Variants in PDSS2 observed in about 807,000 individuals in gnomAD.
The protein encoded by PDSS2 is decaprenyl diphosphate synthase subunit 2.
In PDSS2, 31 loss-of-function variants were observed where a neutral mutation model predicts 44.5. The ratio of observed to expected loss-of-function variants is 0.70; its 90% CI spans 0.52 to 0.94. PDSS2 has a LOEUF of 0.94. PDSS2 is among the 40% of genes least tolerant of loss of function. The probability of loss-of-function intolerance (pLI) is 0.00; values close to 1 mark genes in which losing one functional copy is unlikely to be tolerated. For synonymous variants in PDSS2, 157 were observed against 180.3 expected, an observed-to-expected ratio of 0.87 and a Z score of 1.03; for missense variants, 452 against 482.2, an observed-to-expected ratio of 0.94 and a Z score of 0.59.
chr6:107,422,761 T>C (rs1780866107), intron 1 of PDSS2, among the ~76,000 whole-genome samples: 5 of 152,070 alleles, frequency 3.3e-5, no homozygotes, highest in Admixed American at 6.6e-5. Context: ...ATATTAACAC[T>C]AGGTATCTCT....
chr6:107,166,947 T>A (rs1771373372), intron 7 of PDSS2, among the ~76,000 whole-genome samples: 1 of 152,130 alleles, frequency 6.6e-6, no homozygotes, highest in South Asian at 2.1e-4. Flanking sequence ...TCTTTTTTTG[T>A]TGTCTCTCTA....
Position 107,261,907 on chromosome 6 carries a change from CTT to C in PDSS2, c.630+12120_630+12121del, listed in dbSNP as rs58274022. 7.2e-3 allele frequency among the ~76,000 whole-genome samples: 848 copies of C among 116,984 alleles called. 8 individuals carry two copies. The highest frequency in any genetic ancestry group is 0.025 in the African/African-American group (717 of 28,204). 76.7% of individuals were successfully genotyped at this position (116,984 alleles called of 152,430 possible). A position where few individuals can be genotyped will look rare whatever the true frequency, so the allele number is the denominator to read the frequency against. On this transcript the variant is annotated intron_variant, in intron 3 of 7. Coordinates refer to ENST00000369037, the MANE Select transcript of PDSS2 (RefSeq NM_020381.4). ...CTCAGGTATTTCTTTTCTTTCTTTT[CTT>C]TTTTTTTTTTTTTTTTTGAGATGGA...
intron 1 of PDSS2, among the ~76,000 whole-genome samples, chr6:107,396,197 TC>T (rs2114557948): frequency 6.6e-6 from 1 of 152,314 alleles, no homozygotes; most frequent in African/African-American, 2.4e-5. Context: ...TCAAAGGGAC[TC>T]CTAAACAGAT....
At chr6:107,234,441 G>A (rs1046756777) in intron 4 of PDSS2, among the ~76,000 whole-genome samples, 1 of 151,938 alleles carries the variant, frequency 6.6e-6, no homozygotes, top group African/African-American at 2.4e-5. Flanking sequence ...CTGACCTTAG[G>A]TGATCCACCC....
At chr6:107,442,658 A>G (rs955297106) in intron 1 of PDSS2, among the ~76,000 whole-genome samples, 3 of 151,936 alleles carry the variant, frequency 2.0e-5, no homozygotes, top group Non-Finnish European at 4.4e-5. Flanking sequence ...CACGTTCAAC[A>G]GGTCTACAAA....
chr6:107,164,294 T>C (rs1024298067), intron 7 of PDSS2, among the ~76,000 whole-genome samples: 5 of 152,118 alleles, frequency 3.3e-5, no homozygotes, highest in African/African-American at 1.2e-4. Context: ...TTAGGTATAA[T>C]TCCTAATGCT....
At chr6:107,396,684 T>TC (rs1474812425) in intron 1 of PDSS2, among the ~76,000 whole-genome samples, 206 of 139,792 alleles carry the variant, frequency 1.5e-3, no homozygotes, top group Non-Finnish European at 2.3e-3. Context: ...TTTTCTTTTT[T>TC]TTTTTTTTTT....
chr6:107,271,653 G>C (rs922857256), intron 3 of PDSS2, among the ~76,000 whole-genome samples: 1 of 152,168 alleles, frequency 6.6e-6, no homozygotes, highest in Admixed American at 6.5e-5. Context: ...GCACTTTACT[G>C]TATTAGCAAT....
At chr6:107,299,737 C>T (rs1562445733) in intron 2 of PDSS2, among the ~76,000 whole-genome samples, 2 of 152,116 alleles carry the variant, frequency 1.3e-5, no homozygotes, top group Admixed American at 6.5e-5. Context: ...CCATATGCCC[C>T]GCAACTGCTA....
chr6:107,234,124 C>G (rs1285441345), intron 4 of PDSS2, among the ~76,000 whole-genome samples: 1 of 152,134 alleles, frequency 6.6e-6, no homozygotes, highest in East Asian at 1.9e-4. Context: ...AATTCAAAGT[C>G]CAATTACAGT....
intron 7 of PDSS2, among the ~76,000 whole-genome samples, chr6:107,157,150 G>A (rs1554245798): frequency 6.6e-6 from 1 of 152,006 alleles, no homozygotes; most frequent in African/African-American, 2.4e-5. Flanking sequence ...GCTAGCTCTT[G>A]CTTGGCCTCA....
intron 7 of PDSS2, among the ~76,000 whole-genome samples, chr6:107,169,159 G>A (rs1270808229): frequency 3.0e-4 from 45 of 151,834 alleles, no homozygotes; most frequent in African/African-American, 6.5e-4. Flanking sequence ...CATATTTCTC[G>A]GAGGCTTTGT....
At chr6:107,456,053 T>C (rs957636512) in intron 1 of PDSS2, among the ~76,000 whole-genome samples, 12 of 152,232 alleles carry the variant, frequency 7.9e-5, no homozygotes, top group Admixed American at 7.9e-4. Context: ...CCCGGCGTGG[T>C]GGCTCACGCC....
intron 1 of PDSS2, 65 bp downstream of exon 1, chr6:107,458,925 A>T: frequency 6.9e-7 from 1 of 1,459,666 alleles, no homozygotes; most frequent in Non-Finnish European, 9.6e-7. Context: ...TAGAATGCGT[A>T]TGCCCGCCAG....
intron 1 of PDSS2, among the ~76,000 whole-genome samples, chr6:107,430,977 G>C (rs1420669510): frequency 6.6e-6 from 1 of 152,118 alleles, no homozygotes; most frequent in African/African-American, 2.4e-5. Flanking sequence ...GATTAGTTTT[G>C]CCAAGGAAAT....
chr6:107,264,407 T>C, intron 3 of PDSS2: 1 of 1,548,928 alleles, frequency 6.5e-7, no homozygotes, highest in Non-Finnish European at 8.7e-7. Context: ...TAGAACAACC[T>C]CCAGGAGTGA....
In PDSS2 at chr6:107,458,412, C is replaced by CAAAAAAAAAAAAAAAAAAAAAAA. The variant is rs60758453; in HGVS notation, c.296+577_296+578insTTTTTTTTTTTTTTTTTTTTTTT. ...TGGGCGACAAAGCGAGACTCCGTCT[C>CAAAAAAAAAAAAAAAAAAAAAAA]AAAAAAAAAAAAAAAAAAAACTTTT... On this transcript the variant is annotated intron_variant, in intron 1 of 7. Coordinates refer to ENST00000369037, the MANE Select transcript of PDSS2 (RefSeq NM_020381.4). 5.0e-4 allele frequency among the ~76,000 whole-genome samples: 39 copies of CAAAAAAAAAAAAAAAAAAAAAAA among 78,144 alleles called. 8 individuals carry two copies. The highest frequency in any genetic ancestry group is 1.1e-3 in the African/African-American group (17 of 15,622). The allele number at this position is 78,144 out of a possible 152,430, so 51.3% of individuals were successfully genotyped here.
Position 107,273,945 on chromosome 6 carries a change from C to T in PDSS2, c.630+84G>A, listed in dbSNP as rs189964323. ...TGTACATGAGGGGAGTTGGGGCAGCCGGGCACACAGACCTGCAGCTCCAGC... is the reference window on the plus strand; with the variant it reads ...TGTACATGAGGGGAGTTGGGGCAGCTGGGCACACAGACCTGCAGCTCCAGC... On this transcript the variant is annotated intron_variant, in intron 3 of 7. Coordinates refer to ENST00000369037, the MANE Select transcript of PDSS2 (RefSeq NM_020381.4). The T allele has an allele frequency of 1.1e-3, 1,078 of 1,013,732 alleles. 13 individuals carry two copies. The highest frequency in any genetic ancestry group is 4.5e-4 in the East Asian group (19 of 42,180). The allele number at this position is 1,013,732 out of a possible 1,614,324, so 62.8% of individuals were successfully genotyped here.
At chr6:107,283,317 C>A (rs1776032794) in intron 2 of PDSS2, among the ~76,000 whole-genome samples, 1 of 144,996 alleles carries the variant, frequency 6.9e-6, no homozygotes, top group Non-Finnish European at 1.5e-5. Context: ...CAGAGTGAGA[C>A]CCTGTCTCTT....
Sources: allele counts gnomAD v4.1 joint callset (sites outside exome capture counted in the v4.1 genomes callset), GRCh38; gene constraint gnomAD v4.1.1; transcripts MANE v1.5; gene names NCBI Gene and HGNC (gene_info 2026-07-23, HGNC 2026-07-21).